CRYL1: variants seen among roughly 807,000 people sequenced by gnomAD.
CRYL1 encodes the protein crystallin lambda 1.
Under a neutral mutation model 36.6 loss-of-function variants are expected in CRYL1, and 29 were observed. That is an observed-to-expected ratio of 0.79 (90% CI 0.59 to 1.08). CRYL1 has a LOEUF of 1.08. CRYL1 is among the 50% of genes least tolerant of loss of function. CRYL1 has a pLI of 0.00. For missense variants in CRYL1, 411 were observed against 407.9 expected, an observed-to-expected ratio of 1.01 and a Z score of -0.06; for synonymous variants, 152 against 151.5, an observed-to-expected ratio of 1.00 and a Z score of -0.02.
chr13:20,469,438 T>C (rs535385187), intron 3 of CRYL1, among the ~76,000 whole-genome samples: 26 of 152,312 alleles, frequency 1.7e-4, no homozygotes, highest in African/African-American at 6.0e-4. Context: ...TGGGTCAGCA[T>C]ATACTTTATC....
At chr13:20,441,358 A>G (rs188033106) in intron 3 of CRYL1, among the ~76,000 whole-genome samples, 12 of 152,288 alleles carry the variant, frequency 7.9e-5, no homozygotes, top group Non-Finnish European at 5.9e-5. Flanking sequence ...TGTTCCCACT[A>G]AAGTTTGGGA....
chr13:20,418,913 A>G (rs1432620896), intron 5 of CRYL1: 1 of 152,194 alleles, frequency 6.6e-6, no homozygotes, highest in Non-Finnish European at 1.5e-5. Context: ...AGGAGTCACA[A>G]AAGGTTTTAT....
chr13:20,446,273 G>A (rs2032453423), intron 3 of CRYL1, among the ~76,000 whole-genome samples: 1 of 152,108 alleles, frequency 6.6e-6, no homozygotes, highest in Non-Finnish European at 1.5e-5. Flanking sequence ...CACCATGCCT[G>A]GCTAATTTTT....
chr13:20,438,091 T>C (rs1236275248), intron 4 of CRYL1, among the ~76,000 whole-genome samples: 3 of 152,200 alleles, frequency 2.0e-5, no homozygotes, highest in Non-Finnish European at 4.4e-5. Context: ...ACTGGTTCTC[T>C]TCTATTTTTA....
Position 20,446,604 on chromosome 13 carries a change from C to T in CRYL1, c.277-6850G>A, listed in dbSNP as rs2032461786. Among the ~76,000 whole-genome samples the T allele has an allele frequency of 2.0e-5, 3 of 152,148 alleles. No homozygotes were observed. In the South Asian group the frequency reaches 6.2e-4, roughly 32 times the overall value. On this transcript the variant is annotated intron_variant, in intron 3 of 7. Transcript: ENST00000298248. ...CCAGACCAGAGAATCAGCTGATGACCAATAGGGTGACAAAAGCTGCTGTCA... is the reference window on the plus strand; with the variant it reads ...CCAGACCAGAGAATCAGCTGATGACTAATAGGGTGACAAAAGCTGCTGTCA...
chr13:20,520,977 G>A (rs368096880), intron 1 of CRYL1, among the ~76,000 whole-genome samples: 11 of 152,038 alleles, frequency 7.2e-5, no homozygotes, highest in African/African-American at 2.7e-4. Context: ...GGTGGCAGGG[G>A]CCTGTAGTCC....
In CRYL1 at chr13:20,432,211, A is replaced by G; in HGVS notation, c.524T>C (p.Leu175Pro). 6.2e-7 allele frequency: 1 copy of G among 1,613,814 alleles called. No individual in the cohort carries two copies. Among genetic ancestry groups the G allele is most frequent in the Non-Finnish European group, 8.5e-7 (1 of 1,179,954 alleles). Reference sequence around the variant, plus strand: ...GGGGCACTGTCCAATCTTCTTCATCAGGGCGTGGGTTCTGTCCACTGTCGT... The same window carrying G: ...GGGGCACTGTCCAATCTTCTTCATCGGGGCGTGGGTTCTGTCCACTGTCGT... ...APTTVDRTHA[L>P]MKKIGQCPMR... Residue 175 changes from leucine to proline, a missense_variant, in exon 5 of 8, where the codon CTG (leucine) becomes CCG (proline). Coordinates refer to ENST00000298248, the MANE Select transcript of CRYL1 (RefSeq NM_015974.3).
At chr13:20,495,001 G>A (rs1039874096) in intron 2 of CRYL1, among the ~76,000 whole-genome samples, 26 of 152,224 alleles carry the variant, frequency 1.7e-4, no homozygotes, top group Admixed American at 4.6e-4. Context: ...TGAAAGCTGC[G>A]GAGGAGCTTC....
intron 1 of CRYL1, among the ~76,000 whole-genome samples, chr13:20,521,494 C>T (rs1288262904): frequency 3.3e-5 from 5 of 152,164 alleles, no homozygotes; most frequent in Non-Finnish European, 7.3e-5. Flanking sequence ...TAATTAACTT[C>T]CTGTCCTGAG....
intron 1 of CRYL1, among the ~76,000 whole-genome samples, chr13:20,521,933 T>C (rs1411822763): frequency 6.6e-6 from 1 of 152,190 alleles, no homozygotes; most frequent in Non-Finnish European, 1.5e-5. Flanking sequence ...ACATTTAGTG[T>C]CTAAGCTGAC....
intron 3 of CRYL1, among the ~76,000 whole-genome samples, chr13:20,452,812 C>T (rs1013484094): frequency 6.6e-6 from 1 of 152,060 alleles, no homozygotes; most frequent in Non-Finnish European, 1.5e-5. Context: ...GGGGCAGAGG[C>T]TTTATGGGAA....
intron 6 of CRYL1, among the ~76,000 whole-genome samples, chr13:20,410,096 C>T (rs2031479475): frequency 1.3e-5 from 2 of 151,670 alleles, no homozygotes; most frequent in Admixed American, 6.6e-5. Context: ...ATGTTTATAG[C>T]GGCATTATTC....
intron 3 of CRYL1, among the ~76,000 whole-genome samples, chr13:20,454,914 T>C (rs1411681433): frequency 6.6e-6 from 1 of 152,176 alleles, no homozygotes; most frequent in Non-Finnish European, 1.5e-5. Context: ...TATTCCGGAA[T>C]AGAATTTTAT....
At chr13:20,506,572 T>G (rs1464087734) in intron 2 of CRYL1, among the ~76,000 whole-genome samples, 1 of 152,128 alleles carries the variant, frequency 6.6e-6, no homozygotes, top group Non-Finnish European at 1.5e-5. Context: ...CCTCCATCAT[T>G]CAGCATCATC....
rs946649533 is a variant in CRYL1 at position 20,425,487 on chromosome 13, G to T, written c.633+6615C>A. 6.6e-6 allele frequency among the ~76,000 whole-genome samples: 1 copy of T among 152,226 alleles called. No homozygotes were observed. Among genetic ancestry groups the T allele is most frequent in the South Asian group, 2.1e-4 (1 of 4,830 alleles). ...GGACTGCCAGAAAAGGACAGGCCAC[G>T]CAGGCAGCTTGCTGAGATGGCTTCC... On this transcript the variant is annotated intron_variant, in intron 5 of 7. Coordinates refer to ENST00000298248, the MANE Select transcript of CRYL1 (RefSeq NM_015974.3). The surrounding 1 kb of genome is among the most constrained non-coding windows in gnomAD (Gnocchi z 4.4).
At chr13:20,520,614 C>T (rs115865896) in intron 1 of CRYL1, among the ~76,000 whole-genome samples, 1,806 of 152,264 alleles carry the variant, frequency 0.012, 40 homozygotes, top group African/African-American at 0.041. Context: ...TTGCAGAGGA[C>T]CAACAGCAGA....
At chr13:20,460,907 T>C (rs752158408) in intron 3 of CRYL1, among the ~76,000 whole-genome samples, 31 of 152,146 alleles carry the variant, frequency 2.0e-4, no homozygotes, top group Admixed American at 2.0e-4. Flanking sequence ...ATATAGTAAG[T>C]GCACAGCTGG....
chr13:20,498,194 C>T (rs529845944), intron 2 of CRYL1, among the ~76,000 whole-genome samples: 15 of 150,996 alleles, frequency 9.9e-5, no homozygotes, highest in African/African-American at 1.7e-4. Flanking sequence ...ACTATACACA[C>T]GCCACCATAC....
At chr13:20,427,267 C>G in intron 5 of CRYL1, 1 of 985,388 alleles carries the variant, frequency 1.0e-6, no homozygotes, top group Non-Finnish European at 1.2e-6. Flanking sequence ...CTGGCATTTC[C>G]AAGACCACAG....
Sources: allele counts gnomAD v4.1 joint callset (sites outside exome capture counted in the v4.1 genomes callset), GRCh38; gene constraint gnomAD v4.1.1; non-coding constraint Gnocchi (gnomAD v3.1); transcripts MANE v1.5; gene names NCBI Gene and HGNC (gene_info 2026-07-23, HGNC 2026-07-21).